Variants in C2CD2 observed in about 807,000 individuals in gnomAD.
C2CD2 encodes the protein C2 domain-containing protein 2.
Under a neutral mutation model 74.3 loss-of-function variants are expected in C2CD2, and 43 were observed. The observed-to-expected ratio is 0.58, with a 90% CI of 0.45 to 0.75. The LOEUF (loss-of-function observed/expected upper bound fraction) is 0.75. Ranked by LOEUF, C2CD2 falls within the 30% of genes least tolerant of loss-of-function variation. The pLI, the probability that C2CD2 is intolerant of heterozygous loss-of-function variation, is 0.00. For missense variants in C2CD2, 801 were observed against 916.3 expected, an observed-to-expected ratio of 0.87 and a Z score of 1.63; for synonymous variants, 422 against 390.7, an observed-to-expected ratio of 1.08 and a Z score of -0.94.
intron 1 of C2CD2, among the ~76,000 whole-genome samples, chr21:41,944,521 C>CA (rs369422328): frequency 0.47 from 45,970 of 97,786 alleles, 11,114 homozygotes; most frequent in Middle Eastern, 0.59. Context: ...GACTCTGCCT[C>CA]AAAAAAAAAA....
Position 41,886,775 on chromosome 21 carries a change from A to T in C2CD2, c.*2349T>A, listed in dbSNP as rs1187620524. ...CAAGGTGGGTGGATCACCTGAGGTCAGGAGTTCGAGACCAGCCTGACCAAC... is the reference window on the plus strand; with the variant it reads ...CAAGGTGGGTGGATCACCTGAGGTCTGGAGTTCGAGACCAGCCTGACCAAC... On this transcript the variant is annotated 3_prime_UTR_variant, in exon 14 of 14. Transcript: ENST00000380486. 6.6e-6 allele frequency: 1 copy of T among 152,174 alleles called. No individual in the cohort carries two copies. The highest frequency in any genetic ancestry group is 6.5e-5 in the Admixed American group (1 of 15,278). The allele number at this position is 152,174 out of a possible 1,614,324, so 9.4% of individuals were successfully genotyped here.
intron 13 of C2CD2, among the ~76,000 whole-genome samples, chr21:41,896,499 G>A (rs564256857): frequency 5.3e-4 from 81 of 151,948 alleles, no homozygotes; most frequent in Non-Finnish European, 6.0e-4. Flanking sequence ...CATTTCTACC[G>A]GCACAGCTCA....
At chr21:41,949,242 T>A (rs1057480495) in intron 1 of C2CD2, among the ~76,000 whole-genome samples, 12 of 152,116 alleles carry the variant, frequency 7.9e-5, no homozygotes, top group African/African-American at 2.9e-4. Context: ...CAAGGGGATG[T>A]TGGGGGTGTA....
intron 1 of C2CD2, among the ~76,000 whole-genome samples, chr21:41,952,605 T>G (rs1328410195): frequency 6.6e-6 from 1 of 152,120 alleles, no homozygotes; most frequent in Non-Finnish European, 1.5e-5. Context: ...AAAGCAAAAA[T>G]AAGTCAACGA....
rs1409141875 is a variant in C2CD2 at position 41,892,874 on chromosome 21, C to T, written c.1871-3530G>A. On this transcript the variant is annotated intron_variant, in intron 13 of 13. Coordinates refer to ENST00000380486, the MANE Select transcript of C2CD2 (RefSeq NM_015500.2). The surrounding 1 kb of genome is among the most constrained non-coding windows in gnomAD (Gnocchi z 4.6). ...GCACTTCACTCTGGGGGCCGGCAGA[C>T]CACAGGGCTGTGTGGGTAGAAGCTG... 1.3e-5 allele frequency among the ~76,000 whole-genome samples: 2 copies of T among 152,260 alleles called. No individual in the cohort carries two copies. Among genetic ancestry groups the T allele is most frequent in the African/African-American group, 4.8e-5 (2 of 41,470 alleles).
intron 13 of C2CD2, among the ~76,000 whole-genome samples, chr21:41,897,372 C>G (rs2064836315): frequency 1.3e-5 from 2 of 152,270 alleles, no homozygotes; most frequent in South Asian, 4.1e-4. Flanking sequence ...CACCCTGCAC[C>G]CATGTTTGTC....
intron 1 of C2CD2, among the ~76,000 whole-genome samples, chr21:41,946,266 G>A (rs1212207562): frequency 1.3e-5 from 2 of 152,222 alleles, no homozygotes; most frequent in South Asian, 2.1e-4. Context: ...CAGCAGGAAA[G>A]ATAAAGGAGG....
intron 2 of C2CD2, among the ~76,000 whole-genome samples, chr21:41,932,762 C>T (rs1245636232): frequency 1.3e-5 from 2 of 150,656 alleles, no homozygotes; most frequent in Admixed American, 1.3e-4. Flanking sequence ...ACTCAAGCTG[C>T]TCCAAGTTCT....
intron 13 of C2CD2, among the ~76,000 whole-genome samples, chr21:41,891,444 G>A (rs1410441688): frequency 3.3e-5 from 5 of 152,234 alleles, no homozygotes; most frequent in Non-Finnish European, 7.3e-5. Context: ...ATACAGTGGT[G>A]CTGATGTGGC....
intron 2 of C2CD2, among the ~76,000 whole-genome samples, chr21:41,940,116 C>CA (rs1422119154): frequency 2.0e-5 from 3 of 151,822 alleles, no homozygotes; most frequent in African/African-American, 7.3e-5. Context: ...TTCAAAAATC[C>CA]AAAAAAAGAT....
chr21:41,901,859 T>C, intron 11 of C2CD2, 110 bp from the exon 12 acceptor site: 1 of 967,612 alleles, frequency 1.0e-6, no homozygotes, highest in Non-Finnish European at 1.6e-6. Context: ...AGATATTTTC[T>C]AAAAGGGGCC....
chr21:41,908,021 G>A (rs1270952919), intron 8 of C2CD2: 6 of 522,620 alleles, frequency 1.1e-5, no homozygotes, highest in South Asian at 2.1e-5. Flanking sequence ...GGCAATGTCC[G>A]GCCCTGTGCC....
intron 3 of C2CD2, among the ~76,000 whole-genome samples, chr21:41,921,638 C>T (rs1276848464): frequency 1.3e-5 from 2 of 152,198 alleles, no homozygotes; most frequent in African/African-American, 4.8e-5. Context: ...GCGCTGGATT[C>T]GGAACCAGAA....
At chr21:41,901,407 A>T (rs2064894865) in intron 12 of C2CD2, 2 of 605,712 alleles carry the variant, frequency 3.3e-6, no homozygotes, top group Non-Finnish European at 5.9e-6. Flanking sequence ...GTCCCTGATT[A>T]GAAAGTCTCC....
rs972273426 is a variant in C2CD2 at position 41,918,244 on chromosome 21, A to G, written c.598-17T>C. Reference sequence around the variant, plus strand: ...CACCTGGTCCTGGTGAAAGAGGAGAAAGTTGACAAATCGCCTTTGCAAGCC... The same window carrying G: ...CACCTGGTCCTGGTGAAAGAGGAGAGAGTTGACAAATCGCCTTTGCAAGCC... On this transcript the variant is annotated splice_polypyrimidine_tract_variant and intron_variant, in intron 4 of 13. Transcript: ENST00000380486. 1.9e-6 allele frequency: 3 copies of G among 1,613,496 alleles called. No homozygotes were observed. In the African/African-American group the frequency reaches 4.0e-5, roughly 22 times the overall value.
Position 41,905,800 on chromosome 21 carries a change from G to C in C2CD2, c.1356C>G (p.Ile452Met). 6.2e-7 allele frequency: 1 copy of C among 1,609,944 alleles called. No individual in the cohort carries two copies. The highest frequency in any genetic ancestry group is 8.5e-7 in the Non-Finnish European group (1 of 1,176,218). The change falls in exon 11 of 14, where the codon ATC becomes ATG. Residue 452 changes from isoleucine to methionine, a missense_variant. Coordinates refer to ENST00000380486, the MANE Select transcript of C2CD2 (RefSeq NM_015500.2). Reference protein sequence around the residue: ...PVKTPIKVKVIEKDISVQAIA... With the variant: ...PVKTPIKVKVMEKDISVQAIA... The stretch of plus-strand genomic sequence containing the variant: ...TGGCCTGGACAGAGATGTCCTTCTC[G>C]ATCACCTTCACCTTGATGGGAGTCT...
At chr21:41,927,405 G>A (rs955791619) in intron 2 of C2CD2, among the ~76,000 whole-genome samples, 1 of 151,240 alleles carries the variant, frequency 6.6e-6, no homozygotes, top group Non-Finnish European at 1.5e-5. Context: ...ACCTGAGCCT[G>A]CCTCAGGCTC....
intron 1 of C2CD2, among the ~76,000 whole-genome samples, chr21:41,947,296 T>C (rs2065409406): frequency 6.6e-6 from 1 of 151,870 alleles, no homozygotes; most frequent in Non-Finnish European, 1.5e-5. Flanking sequence ...TAGCTGGGAT[T>C]ATAGGCATGC....
At chr21:41,915,540 G>A (rs1331569381) in intron 5 of C2CD2, among the ~76,000 whole-genome samples, 2 of 151,882 alleles carry the variant, frequency 1.3e-5, no homozygotes, top group African/African-American at 2.4e-5. Context: ...GGGTGCAAGC[G>A]ATTCTCCTGC....
Sources: gnomAD v4.1 joint callset for allele counts (sites outside exome capture counted in the v4.1 genomes callset) on GRCh38, gnomAD v4.1.1 for gene constraint, Gnocchi (gnomAD v3.1) non-coding constraint, MANE v1.5 for transcripts, NCBI Gene and HGNC (gene_info 2026-07-23, HGNC 2026-07-21) for gene names.